Variants in GALNT2 observed in about 807,000 individuals in gnomAD.
The protein encoded by GALNT2 is UDP-GalNAc:polypeptide N-acetylgalactosaminyltransferase 2.
GALNT2 carries 31 observed loss-of-function variants against 81.4 expected under a neutral mutation model. The observed-to-expected ratio is 0.38, with a 90% CI of 0.29 to 0.51. The LOEUF (loss-of-function observed/expected upper bound fraction) is 0.51, where lower values mean the gene tolerates loss of function less well. Ranked by LOEUF, GALNT2 falls within the 20% of genes least tolerant of loss-of-function variation. GALNT2 has a pLI of 0.87. For synonymous variants in GALNT2, 303 were observed against 287.4 expected (o/e 1.05, Z -0.55); for missense variants, 629 against 765.7 (o/e 0.82, Z 2.11).
chr1:230,278,225 C>T (rs1666348974), intron 15 of GALNT2, among the ~76,000 whole-genome samples: 1 of 150,976 alleles, frequency 6.6e-6, no homozygotes, highest in South Asian at 2.1e-4. Flanking sequence ...CCCAAGCGAT[C>T]CTCCCACCTC....
chr1:230,074,567 G>A (rs1490390312), intron 1 of GALNT2, among the ~76,000 whole-genome samples: 1 of 152,222 alleles, frequency 6.6e-6, no homozygotes, highest in Admixed American at 6.5e-5. Context: ...CCTTGGTAGA[G>A]AACCACTGCC....
upstream of GALNT2, among the ~76,000 whole-genome samples, chr1:230,063,249 T>G (rs1659090775): frequency 6.6e-6 from 1 of 151,052 alleles, no homozygotes; most frequent in Admixed American, 6.6e-5. Context: ...AGGTGGAGGT[T>G]GCAGTGAGCC....
intron 1 of GALNT2, among the ~76,000 whole-genome samples, chr1:230,133,417 G>A (rs1192321163): frequency 2.0e-5 from 3 of 151,466 alleles, no homozygotes; most frequent in African/African-American, 4.8e-5. Flanking sequence ...TGCCTAGGTG[G>A]TAGTTGACGT....
chr1:230,159,423 A>G (rs1036682889), intron 1 of GALNT2, among the ~76,000 whole-genome samples: 1 of 152,140 alleles, frequency 6.6e-6, no homozygotes, highest in African/African-American at 2.4e-5. Flanking sequence ...AATTCACCCA[A>G]TTATTTCGTT....
chr1:230,110,086 C>T (rs938795256), intron 1 of GALNT2, among the ~76,000 whole-genome samples: 2 of 152,202 alleles, frequency 1.3e-5, no homozygotes, highest in African/African-American at 2.4e-5. Flanking sequence ...CTGATGCAGC[C>T]GTTCTCTGTG....
intron 3 of GALNT2, among the ~76,000 whole-genome samples, chr1:230,221,932 AT>A (rs1328506166): frequency 1.4e-4 from 22 of 151,962 alleles, no homozygotes; most frequent in African/African-American, 5.3e-4. Flanking sequence ...TTCTTTAAAA[AT>A]GCCAGTGATG....
intron 1 of GALNT2, among the ~76,000 whole-genome samples, chr1:230,111,056 G>T (rs1024005734): frequency 6.6e-6 from 1 of 152,188 alleles, no homozygotes; most frequent in Non-Finnish European, 1.5e-5. Context: ...GCATATTTGT[G>T]TGTGTGTACA....
At chr1:230,099,443 A>G (rs1021672368) in intron 1 of GALNT2, among the ~76,000 whole-genome samples, 6 of 152,126 alleles carry the variant, frequency 3.9e-5, no homozygotes, top group South Asian at 2.1e-4. Flanking sequence ...GAATACACCA[A>G]TGGTGTTTCA....
chr1:230,081,164 G>C (rs1360764194), intron 1 of GALNT2, among the ~76,000 whole-genome samples: 1 of 152,154 alleles, frequency 6.6e-6, no homozygotes, highest in East Asian at 1.9e-4. Context: ...TGAGGATGAA[G>C]GGGCTCCTGC....
chr1:230,259,514 A>C (rs2102757732), intron 11 of GALNT2: 1 of 152,334 alleles, frequency 6.6e-6, no homozygotes, highest in Admixed American at 6.5e-5. Flanking sequence ...AGTTTAGTTC[A>C]CACAGAGCTG....
intron 2 of GALNT2, among the ~76,000 whole-genome samples, chr1:230,191,458 T>C (rs1663521941): frequency 6.6e-6 from 1 of 152,176 alleles, no homozygotes; most frequent in African/African-American, 2.4e-5. Context: ...TTTTTTCTCT[T>C]TTTATTTGAG....
rs376777557 is a variant in GALNT2, at chr1:230,234,793, G to A, written c.375-1221G>A. On this transcript the variant is annotated intron_variant, in intron 3 of 15. Transcript: ENST00000366672. ...ATTGCTCTGTACTAGGATGCTCTTA[G>A]GTCTGTAGACCCTGCTTTGAAGGGT... Among the ~76,000 whole-genome samples, 5 of 152,152 alleles carry A rather than the reference G, an allele frequency of 3.3e-5. No individual in the cohort carries two copies. In the South Asian group the frequency reaches 8.3e-4, roughly 25 times the overall value.
chr1:230,130,996 A>C (rs1257336009), intron 1 of GALNT2, among the ~76,000 whole-genome samples: 1 of 152,220 alleles, frequency 6.6e-6, no homozygotes, highest in African/African-American at 2.4e-5. Context: ...GGCACCCTCC[A>C]ACATAAAAAT....
intron 3 of GALNT2, among the ~76,000 whole-genome samples, chr1:230,222,322 C>G (rs1032381459): frequency 6.6e-6 from 1 of 152,068 alleles, no homozygotes; most frequent in African/African-American, 2.4e-5. Flanking sequence ...CTGCCTGTTG[C>G]CTCTGCTTTC....
Position 230,122,560 on chromosome 1 carries a change from A to G in GALNT2, c.126+55154A>G, listed in dbSNP as rs930946347. Among the ~76,000 whole-genome samples, 10 of 152,238 alleles carry G rather than the reference A, an allele frequency of 6.6e-5. No individual in the cohort carries two copies. The East Asian group carries it at 1.5e-3, about 24-fold the overall frequency. Reference sequence around the variant, plus strand: ...TTGACAAAATTTTCCCCCCAGGGATAAGGAAACCAGAAAACCACAGTGGAT... The same window carrying G: ...TTGACAAAATTTTCCCCCCAGGGATGAGGAAACCAGAAAACCACAGTGGAT... On this transcript the variant is annotated intron_variant, in intron 1 of 15. Transcript: ENST00000366672.
At position 230,275,311 on chromosome 1, in the gene GALNT2, C is replaced by A. The variant is rs183572874; in HGVS notation, c.1560+747C>A. ...GATGCCACATTTATACATATATAAA[C>A]GCCACATATATATACACACCACATA... is the stretch of plus-strand genomic sequence containing the variant. On this transcript the variant is annotated intron_variant, in intron 15 of 15. Coordinates refer to ENST00000366672, the MANE Select transcript of GALNT2 (RefSeq NM_004481.5). The surrounding 1 kb of genome is among the most constrained non-coding windows in gnomAD (Gnocchi z 5.5). Among the ~76,000 whole-genome samples the A allele has an allele frequency of 6.6e-6, 1 of 150,470 alleles. No homozygotes were observed. The highest frequency in any genetic ancestry group is 2.4e-5 in the African/African-American group (1 of 40,868).
At chr1:230,250,710 G>A in intron 10 of GALNT2, 150 bp downstream of exon 10, 1 of 563,592 alleles carries the variant, frequency 1.8e-6, no homozygotes, top group Non-Finnish European at 3.1e-6. Flanking sequence ...CACCCCTTTT[G>A]CTCTTGAAAG....
At position 230,271,073 on chromosome 1, in the gene GALNT2, T is replaced by C. The variant is rs1666148492; in HGVS notation, c.1441-3372T>C. Among the ~76,000 whole-genome samples, 7 of 152,242 alleles carry C rather than the reference T, an allele frequency of 4.6e-5. No homozygotes were observed. In the South Asian group the frequency reaches 1.4e-3, roughly 32 times the overall value. On this transcript the variant is annotated intron_variant, in intron 14 of 15. Coordinates refer to ENST00000366672, the MANE Select transcript of GALNT2 (RefSeq NM_004481.5). This position sits in a 1 kb window ranked among gnomAD's most constrained non-coding sequence, Gnocchi z 4.2. Reference sequence around the variant, plus strand: ...CCAACACCTGCTGCCAGGGACAGTCTGGAACCCTTCTCCATACCAGCGTTG... The same window carrying C: ...CCAACACCTGCTGCCAGGGACAGTCCGGAACCCTTCTCCATACCAGCGTTG...
chr1:230,267,103 A>G (rs994898226), intron 14 of GALNT2, among the ~76,000 whole-genome samples: 3 of 152,038 alleles, frequency 2.0e-5, no homozygotes, highest in South Asian at 2.1e-4. Context: ...CCTTGTGCAC[A>G]TGCACCTAGA....
Sources: gnomAD v4.1 joint callset for allele counts (sites outside exome capture counted in the v4.1 genomes callset) on GRCh38, gnomAD v4.1.1 for gene constraint, Gnocchi (gnomAD v3.1) non-coding constraint, MANE v1.5 for transcripts, NCBI Gene and HGNC (gene_info 2026-07-23, HGNC 2026-07-21) for gene names.